Variants in PTK2 observed in about 807,000 individuals in gnomAD.
The protein encoded by PTK2 is protein tyrosine kinase 2.
In PTK2, 45 loss-of-function variants were observed where a neutral mutation model predicts 150.1. The ratio of observed to expected loss-of-function variants is 0.30; its 90% CI spans 0.24 to 0.38. The LOEUF is 0.38. Among genes scored for constraint, PTK2 ranks in the 10% least tolerant of loss-of-function variants. PTK2 has a pLI of 1.00. For synonymous variants in PTK2, 432 were observed against 449.2 expected, an observed-to-expected ratio of 0.96 and a Z score of 0.48; for missense variants, 919 against 1,307.3, an observed-to-expected ratio of 0.70 and a Z score of 4.58.
intron 20 of PTK2, among the ~76,000 whole-genome samples, chr8:140,740,046 G>A (rs2100054826): frequency 6.6e-6 from 1 of 152,232 alleles, no homozygotes; most frequent in African/African-American, 2.4e-5. Context: ...AATGGGATAA[G>A]AAGGACTTCT....
chr8:140,864,512 C>A, intron 4 of PTK2, 113 bp from the exon 5 acceptor site: 1 of 521,808 alleles, frequency 1.9e-6, no homozygotes, highest in Non-Finnish European at 3.3e-6. Context: ...AAGATGATTT[C>A]AAATAAAAGC....
chr8:140,855,397 C>T (rs1383846382), intron 5 of PTK2, among the ~76,000 whole-genome samples: 1 of 152,074 alleles, frequency 6.6e-6, no homozygotes, highest in African/African-American at 2.4e-5. Flanking sequence ...AGATTGAGAC[C>T]ATCCTGGCCA....
rs534311450 is a variant in PTK2 at position 140,875,950 on chromosome 8, T to C, written c.362+3521A>G. ...CAGAAAGCTAAGTAAGGAATATTTA[T>C]TAAATTCTTGGTGATAATAGCTTGT... On this transcript the variant is annotated intron_variant, in intron 4 of 31. Transcript: ENST00000522684. 5.9e-5 allele frequency among the ~76,000 whole-genome samples: 9 copies of C among 152,364 alleles called. No individual in the cohort carries two copies. The South Asian group carries it at 1.7e-3, about 28-fold the overall frequency.
intron 14 of PTK2, among the ~76,000 whole-genome samples, chr8:140,774,934 GA>G (rs1566089955): frequency 6.6e-6 from 1 of 152,172 alleles, no homozygotes; most frequent in Non-Finnish European, 1.5e-5. Context: ...CTCTTTCCCA[GA>G]AAACTCACTA....
At chr8:140,782,582 T>C (rs2100082459) in intron 14 of PTK2, among the ~76,000 whole-genome samples, 1 of 152,014 alleles carries the variant, frequency 6.6e-6, no homozygotes, top group South Asian at 2.1e-4. Flanking sequence ...CCCGTAGATT[T>C]GGTAGGGAAA....
intron 29 of PTK2, chr8:140,670,099 T>C (rs561827082): frequency 5.1e-6 from 1 of 197,804 alleles, no homozygotes; most frequent in South Asian, 1.4e-4. Context: ...TTTTAATTAC[T>C]GAAAAGTGCC....
chr8:140,722,627 A>T (rs1055396170), intron 22 of PTK2, among the ~76,000 whole-genome samples: 2 of 152,112 alleles, frequency 1.3e-5, no homozygotes, highest in African/African-American at 4.8e-5. Flanking sequence ...GGAGCAGGAG[A>T]CCAGTCAGAG....
chr8:140,785,977 CTTTAT>C (rs1243803925), intron 14 of PTK2, among the ~76,000 whole-genome samples: 1 of 152,184 alleles, frequency 6.6e-6, no homozygotes, highest in Non-Finnish European at 1.5e-5. Flanking sequence ...AATTCATCTG[CTTTAT>C]TTTAATTCAC....
chr8:140,973,088 ATATCT>A (rs779122991), intron 1 of PTK2, among the ~76,000 whole-genome samples: 44 of 152,326 alleles, frequency 2.9e-4, no homozygotes, highest in Non-Finnish European at 2.6e-4. Flanking sequence ...TGGTTACAAC[ATATCT>A]TATATCTAGG....
chr8:140,855,954 C>A (rs1420496623), intron 5 of PTK2, among the ~76,000 whole-genome samples: 4 of 151,392 alleles, frequency 2.6e-5, no homozygotes, highest in Admixed American at 6.6e-5. Flanking sequence ...TGTTCTACCA[C>A]AATTTAAAAA....
rs1357593468 is a variant in PTK2, at chr8:140,978,132, G to A, written c.-122+22993C>T. ...CTCAACATGGATTAAAGACTTAAAT[G>A]TTAGACCTAAAACCATAAAAACCCT... On this transcript the variant is annotated intron_variant, in intron 1 of 31. Transcript: ENST00000522684. Among the ~76,000 whole-genome samples the A allele has an allele frequency of 4.6e-5, 7 of 152,186 alleles. No individual in the cohort carries two copies. The East Asian group carries it at 1.3e-3, about 29-fold the overall frequency.
At chr8:140,798,998 G>GA (rs1384072679) in intron 12 of PTK2, among the ~76,000 whole-genome samples, 1 of 152,150 alleles carries the variant, frequency 6.6e-6, no homozygotes, top group African/African-American at 2.4e-5. Flanking sequence ...GAAAACTTAG[G>GA]AAAAATATAT....
At chr8:140,712,850 G>C (rs780792519) in intron 23 of PTK2, among the ~76,000 whole-genome samples, 2 of 152,110 alleles carry the variant, frequency 1.3e-5, no homozygotes, top group Non-Finnish European at 2.9e-5. Context: ...TTTTATACCG[G>C]TAACAAACAG....
intron 5 of PTK2, among the ~76,000 whole-genome samples, chr8:140,852,953 C>G (rs746587171): frequency 7.9e-5 from 12 of 152,180 alleles, no homozygotes; most frequent in African/African-American, 2.2e-4. Context: ...TACCTGAAGA[C>G]GGCCACAATT....
exon 12 of PTK2, chr8:140,800,477 T>C: frequency 2.5e-6 from 4 of 1,613,228 alleles, no homozygotes; most frequent in Non-Finnish European, 3.4e-6. Flanking sequence ...GGTCTGATGA[T>C]AAATGACTGC....
chr8:140,771,084 T>A (rs2100075230), intron 14 of PTK2: 1 of 154,650 alleles, frequency 6.5e-6, no homozygotes, highest in Non-Finnish European at 1.4e-5. Flanking sequence ...TATTCAGATA[T>A]TTTTCCAAAT....
intron 2 of PTK2, among the ~76,000 whole-genome samples, chr8:140,900,693 G>A (rs1337359856): frequency 6.6e-6 from 1 of 151,860 alleles, no homozygotes; most frequent in African/African-American, 2.4e-5. Flanking sequence ...CTGCATTCCA[G>A]CCTGGGTGAC....
intron 12 of PTK2, 78 bp from the exon 13 acceptor site, chr8:140,793,462 A>C (rs1255395549): frequency 6.6e-7 from 1 of 1,505,074 alleles, no homozygotes; most frequent in Admixed American, 1.8e-5. Context: ...TCAGGGAGGA[A>C]GGATGAGGCC....
intron 26 of PTK2, among the ~76,000 whole-genome samples, chr8:140,691,514 AG>A (rs2100023211): frequency 6.6e-6 from 1 of 152,194 alleles, no homozygotes; most frequent in Admixed American, 6.5e-5. Flanking sequence ...TTCCCCAAAT[AG>A]TTGACCATTT....
Sources: gnomAD v4.1 joint callset for allele counts (sites outside exome capture counted in the v4.1 genomes callset) on GRCh38, gnomAD v4.1.1 for gene constraint, MANE v1.5 for transcripts, NCBI Gene and HGNC (gene_info 2026-07-23, HGNC 2026-07-21) for gene names.